CCDC91: variants seen among roughly 807,000 people sequenced by gnomAD.
CCDC91 encodes coiled-coil domain-containing protein 91.
In CCDC91, 48 loss-of-function variants were observed where a neutral mutation model predicts 63.2. That is an observed-to-expected ratio of 0.76 (90% CI 0.60 to 0.97). The LOEUF is 0.97. CCDC91 is among the 50% of genes least tolerant of loss of function. The pLI is 0.00. For missense variants in CCDC91, 500 were observed against 494.6 expected (o/e 1.01, Z -0.10); for synonymous variants, 167 against 165.8 (o/e 1.01, Z -0.06).
At chr12:28,298,274 CAT>C (rs1245250093) in intron 3 of CCDC91, among the ~76,000 whole-genome samples, 1 of 151,308 alleles carries the variant, frequency 6.6e-6, no homozygotes, top group Non-Finnish European at 1.5e-5. Flanking sequence ...TTCAACTTTT[CAT>C]ATGTCTTATT....
At chr12:28,360,478 A>G (rs898053629) in intron 6 of CCDC91, among the ~76,000 whole-genome samples, 3 of 152,130 alleles carry the variant, frequency 2.0e-5, no homozygotes, top group Non-Finnish European at 4.4e-5. Flanking sequence ...TTCTGCTGTC[A>G]TCTTAGGCAG....
intron 1 of CCDC91, among the ~76,000 whole-genome samples, chr12:28,239,106 C>T (rs1945159389): frequency 6.8e-6 from 1 of 146,022 alleles, no homozygotes; most frequent in South Asian, 2.2e-4. Flanking sequence ...GGTGACAGAG[C>T]GAGACTCTGT....
At chr12:28,212,662 T>C (rs58086443) in intron 1 of CCDC91, among the ~76,000 whole-genome samples, 8,238 of 152,222 alleles carry the variant, frequency 0.054, 642 homozygotes, top group African/African-American at 0.18. Context: ...CTTGGGAAAA[T>C]GTGAGCAAAC....
At chr12:28,468,915 CTG>C (rs753159728) in intron 11 of CCDC91, among the ~76,000 whole-genome samples, 2 of 151,956 alleles carry the variant, frequency 1.3e-5, no homozygotes, top group Non-Finnish European at 2.9e-5. Flanking sequence ...CCTTAAAAAA[CTG>C]GGTATAGTAG....
intron 8 of CCDC91, among the ~76,000 whole-genome samples, chr12:28,402,441 TATATA>T (rs1565917368): frequency 6.6e-6 from 1 of 151,990 alleles, no homozygotes; most frequent in East Asian, 1.9e-4. Context: ...TTCACTGTGA[TATATA>T]AGAAAGTATT....
intron 11 of CCDC91, among the ~76,000 whole-genome samples, chr12:28,483,663 C>T (rs528432755): frequency 1.1e-4 from 16 of 152,082 alleles, no homozygotes; most frequent in African/African-American, 2.7e-4. Flanking sequence ...CAAAATTAAA[C>T]GTGAATAAAA....
intron 3 of CCDC91, chr12:28,302,635 G>C: frequency 3.0e-6 from 3 of 984,866 alleles, no homozygotes; most frequent in Non-Finnish European, 3.6e-6. Flanking sequence ...AATGTTAGTA[G>C]TATGGTGTGA....
intron 7 of CCDC91, among the ~76,000 whole-genome samples, chr12:28,381,728 A>G (rs953576842): frequency 4.6e-5 from 7 of 152,104 alleles, no homozygotes; most frequent in Non-Finnish European, 8.8e-5. Context: ...ATAATTTTGT[A>G]ACAACCCAAT....
intron 7 of CCDC91, among the ~76,000 whole-genome samples, chr12:28,375,964 C>G (rs1462155611): frequency 6.6e-6 from 1 of 151,802 alleles, no homozygotes; most frequent in Admixed American, 6.6e-5. Context: ...TGTGATTGAT[C>G]AGGTTACTTT....
At chr12:28,369,485 C>T (rs1565870378) in intron 7 of CCDC91, among the ~76,000 whole-genome samples, 1 of 152,212 alleles carries the variant, frequency 6.6e-6, no homozygotes, top group Non-Finnish European at 1.5e-5. Flanking sequence ...CTTCCACAGG[C>T]TGGCATTGAG....
In CCDC91 at chr12:28,370,335, A is replaced by G. The variant is rs138620761; in HGVS notation, c.654+7820A>G. ...TGTCTCTCAAGTTCAGCATTTTACA[A>G]TTCTCTAGGGCAGGGGCAAAATGCT... On this transcript the variant is annotated intron_variant, in intron 7 of 12. Transcript: ENST00000536442. Among the ~76,000 whole-genome samples, 311 of 152,300 alleles carry G rather than the reference A, an allele frequency of 2.0e-3. 3 individuals carry two copies. The highest frequency in any genetic ancestry group is 6.8e-3 in the African/African-American group (284 of 41,574).
chr12:28,494,709 A>G (rs980871647), intron 12 of CCDC91, among the ~76,000 whole-genome samples: 6 of 151,712 alleles, frequency 4.0e-5, no homozygotes, highest in Non-Finnish European at 8.8e-5. Context: ...ATGGTTTACT[A>G]TTGTACCTGT....
chr12:28,481,924 G>GT (rs1951470037), intron 11 of CCDC91, among the ~76,000 whole-genome samples: 1 of 151,672 alleles, frequency 6.6e-6, no homozygotes, highest in Non-Finnish European at 1.5e-5. Flanking sequence ...AACTCTTCAT[G>GT]TTTTTTTGGT....
At chr12:28,473,674 A>G (rs1391213864) in intron 11 of CCDC91, among the ~76,000 whole-genome samples, 1 of 152,128 alleles carries the variant, frequency 6.6e-6, no homozygotes, top group Non-Finnish European at 1.5e-5. Context: ...TGATTCCTGA[A>G]ATAAATAATT....
At chr12:28,301,026 T>C (rs1938017833) in intron 3 of CCDC91, among the ~76,000 whole-genome samples, 1 of 151,672 alleles carries the variant, frequency 6.6e-6, no homozygotes, top group Admixed American at 6.6e-5. Context: ...AAACATGAAA[T>C]TATTTTCACC....
At chr12:28,324,368 G>A (rs1276138107) in intron 6 of CCDC91, among the ~76,000 whole-genome samples, 1 of 151,734 alleles carries the variant, frequency 6.6e-6, no homozygotes, top group African/African-American at 2.4e-5. Flanking sequence ...AAGTGGGGAG[G>A]GGGACTGTCA....
intron 6 of CCDC91, among the ~76,000 whole-genome samples, chr12:28,345,848 C>T (rs1942773713): frequency 6.6e-6 from 1 of 152,070 alleles, no homozygotes; most frequent in Non-Finnish European, 1.5e-5. Flanking sequence ...ATAGTTATAT[C>T]ATAAATTTGA....
intron 6 of CCDC91, among the ~76,000 whole-genome samples, chr12:28,313,769 G>A (rs1339893100): frequency 6.6e-6 from 1 of 152,014 alleles, no homozygotes; most frequent in African/African-American, 2.4e-5. Flanking sequence ...AGCCTAACCA[G>A]AGGAAGAAAA....
intron 6 of CCDC91, among the ~76,000 whole-genome samples, chr12:28,334,611 A>G (rs1390921819): frequency 1.3e-5 from 2 of 152,178 alleles, no homozygotes. Context: ...CCTTGCACAT[A>G]AATTCTGGAG....
Sources: gnomAD v4.1 joint callset for allele counts (sites outside exome capture counted in the v4.1 genomes callset) on GRCh38, gnomAD v4.1.1 for gene constraint, MANE v1.5 for transcripts, NCBI Gene and HGNC (gene_info 2026-07-23, HGNC 2026-07-21) for gene names.